The following ZFHX3 variants were observed in gnomAD, a reference collection of about 807,000 sequenced individuals.
The protein encoded by ZFHX3 is zinc finger homeobox protein 3.
A neutral mutation model predicts 279.1 loss-of-function variants in ZFHX3; 42 were observed. The ratio of observed to expected loss-of-function variants is 0.15; its 90% confidence interval spans 0.12 to 0.19. The LOEUF (loss-of-function observed/expected upper bound fraction) is 0.19. ZFHX3 is among the 10% of genes least tolerant of loss of function. The pLI, the probability that ZFHX3 is intolerant of heterozygous loss-of-function variation, is 1.00. For synonymous variants in ZFHX3, 2,293 were observed against 1,957.8 expected (o/e 1.17, Z -4.52); for missense variants, 4,981 against 4,754.0 (o/e 1.05, Z -1.40).
chr16:73,768,014 A>G (rs570571493), intron 1 of ZFHX3, among the ~76,000 whole-genome samples: 36 of 152,306 alleles, frequency 2.4e-4, no homozygotes, highest in African/African-American at 8.4e-4. Flanking sequence ...CACACGGGTA[A>G]TTCCTACAAC....
intron 7 of ZFHX3, chr16:73,127,518 AG>A (rs1472005192): frequency 1.1e-5 from 14 of 1,305,362 alleles, no homozygotes; most frequent in Admixed American, 2.3e-5. Flanking sequence ...GGAAGAAGAG[AG>A]CCCCTGAATG....
intron 3 of ZFHX3, chr16:73,402,571 G>C (rs1019012920): frequency 6.6e-6 from 1 of 152,188 alleles, no homozygotes; most frequent in African/African-American, 2.4e-5. Flanking sequence ...GACCAGGAAC[G>C]ACCTGTGGAC....
At chr16:73,480,703 CT>C (rs1470823247) in intron 2 of ZFHX3, among the ~76,000 whole-genome samples, 2 of 152,198 alleles carry the variant, frequency 1.3e-5, no homozygotes, top group African/African-American at 4.8e-5. Context: ...TTTCTCCAAT[CT>C]TACAGGGACC....
intron 4 of ZFHX3, among the ~76,000 whole-genome samples, chr16:72,840,176 G>A (rs2037310255): frequency 6.6e-6 from 1 of 151,910 alleles, no homozygotes; most frequent in Admixed American, 6.6e-5. Context: ...GAAAATACTG[G>A]AAATATATGG....
chr16:73,411,219 C>T (rs2017459040), intron 3 of ZFHX3, among the ~76,000 whole-genome samples: 2 of 152,206 alleles, frequency 1.3e-5, no homozygotes, highest in African/African-American at 4.8e-5. Flanking sequence ...TTTAGAACCT[C>T]AGTCCTTGGC....
chr16:72,817,970 C>A (rs569474840), intron 5 of ZFHX3, among the ~76,000 whole-genome samples: 2 of 152,324 alleles, frequency 1.3e-5, no homozygotes, highest in South Asian at 4.1e-4. Context: ...ATTATTAATT[C>A]ATGCTACTTT....
At chr16:72,874,006 T>C (rs2038232763) in intron 4 of ZFHX3, among the ~76,000 whole-genome samples, 2 of 152,110 alleles carry the variant, frequency 1.3e-5, no homozygotes, top group African/African-American at 4.8e-5. Flanking sequence ...CAAAGCACAA[T>C]ACCCTCAGCC....
At chr16:73,209,131 C>T (rs72797323) in intron 5 of ZFHX3, among the ~76,000 whole-genome samples, 3 of 152,034 alleles carry the variant, frequency 2.0e-5, no homozygotes, top group Non-Finnish European at 2.9e-5. Flanking sequence ...TTTTTGTTTG[C>T]GTGAGTTATA....
At chr16:73,624,617 C>A (rs767356095) in intron 2 of ZFHX3, among the ~76,000 whole-genome samples, 14 of 147,840 alleles carry the variant, frequency 9.5e-5, no homozygotes, top group Non-Finnish European at 1.6e-4. Flanking sequence ...ATGAATTCAG[C>A]AGATAATAAA....
At chr16:73,253,507 A>G (rs1046170310) in intron 5 of ZFHX3, among the ~76,000 whole-genome samples, 1 of 149,398 alleles carries the variant, frequency 6.7e-6, no homozygotes, top group Non-Finnish European at 1.5e-5. Context: ...GCTGGAGTGC[A>G]GTGGCATGAT....
rs745803083 is a variant in ZFHX3 at position 72,788,109 on chromosome 16, TTGCTGC to T, written c.10161_10166del (p.Gln3388_Gln3389del). The T allele has an allele frequency of 3.5e-5, 56 of 1,607,932 alleles. 1 individual carries two copies. The highest frequency in any genetic ancestry group is 5.0e-5 in the Admixed American group (3 of 59,770). ...CTTTGGGCTGCTGCTGCTGCACTTT[TTGCTGC>T]TGCTGCTGCTGTAGTTGCCGCTGCT... On this transcript the variant is annotated inframe_deletion, in exon 10 of 10. Transcript: ENST00000268489.
intron 2 of ZFHX3, among the ~76,000 whole-genome samples, chr16:73,510,988 G>C (rs2019418464): frequency 6.6e-6 from 1 of 152,258 alleles, no homozygotes; most frequent in African/African-American, 2.4e-5. Context: ...GGTACAACCA[G>C]ACAGGGCTTT....
At chr16:72,901,723 T>G (rs552001297) in intron 3 of ZFHX3, among the ~76,000 whole-genome samples, 25 of 152,316 alleles carry the variant, frequency 1.6e-4, no homozygotes, top group African/African-American at 5.8e-4. Flanking sequence ...AGAAAGATGG[T>G]TCTTTGAGGA....
In ZFHX3 at chr16:72,992,514, G is replaced by A. The variant is rs574861164; in HGVS notation, c.-49-32320C>T. ...GTAATTGCAGCTTCTAACTATGCTC[G>A]GCCAAGATTGCAAAAATTCCCTAGG... On this transcript the variant is annotated intron_variant, in intron 1 of 9. Transcript: ENST00000268489. Among the ~76,000 whole-genome samples the A allele has an allele frequency of 4.3e-4, 66 of 152,178 alleles. 1 individual carries two copies. The highest frequency in any genetic ancestry group is 1.6e-3 in the African/African-American group (66 of 41,516).
intron 4 of ZFHX3, among the ~76,000 whole-genome samples, chr16:73,265,511 C>G (rs2013950833): frequency 6.6e-6 from 1 of 152,126 alleles, no homozygotes; most frequent in Admixed American, 6.5e-5. Context: ...ATTTTCTACC[C>G]AGGACTCTTG....
upstream of ZFHX3, among the ~76,000 whole-genome samples, chr16:73,052,608 T>C (rs568229776): frequency 2.0e-5 from 3 of 152,324 alleles, no homozygotes; most frequent in African/African-American, 4.8e-5. Context: ...CTATTGAGGC[T>C]GTTCCAATCG....
chr16:73,270,339 A>T (rs2014105761), intron 4 of ZFHX3, among the ~76,000 whole-genome samples: 1 of 152,204 alleles, frequency 6.6e-6, no homozygotes, highest in African/African-American at 2.4e-5. Context: ...AATCTCTCCC[A>T]CGTGCTTAGA....
intron 3 of ZFHX3, among the ~76,000 whole-genome samples, chr16:72,904,129 G>A (rs948598922): frequency 3.3e-5 from 5 of 152,162 alleles, no homozygotes; most frequent in African/African-American, 1.2e-4. Context: ...ACTGTGGGAG[G>A]CCAAGGTGGG....
chr16:73,560,295 T>A (rs1168397965), intron 2 of ZFHX3, among the ~76,000 whole-genome samples: 1 of 152,196 alleles, frequency 6.6e-6, no homozygotes, highest in Non-Finnish European at 1.5e-5. Flanking sequence ...CTTCCGCCGC[T>A]GACATACAGG....
Sources: gnomAD v4.1 joint callset for allele counts (sites outside exome capture counted in the v4.1 genomes callset) on GRCh38, gnomAD v4.1.1 for gene constraint, MANE v1.5 for transcripts, NCBI Gene and HGNC (gene_info 2026-07-23, HGNC 2026-07-21) for gene names.